The following RBFOX1 variants were observed in gnomAD, a reference collection of about 807,000 sequenced individuals.
The protein encoded by RBFOX1 is RNA binding protein fox-1 homolog 1.
In RBFOX1, 8 loss-of-function variants were observed where a neutral mutation model predicts 57.7. That is an observed-to-expected ratio of 0.14 (90% CI 0.08 to 0.25). The LOEUF is 0.25. RBFOX1 is among the 10% of genes least tolerant of loss of function. RBFOX1 has a pLI of 1.00. For synonymous variants in RBFOX1, 326 were observed against 222.4 expected (o/e 1.47, Z -4.15); for missense variants, 611 against 548.5 (o/e 1.11, Z -1.14).
chr16:6,866,818 A>C (rs2060016339), intron 3 of RBFOX1, among the ~76,000 whole-genome samples: 2 of 152,074 alleles, frequency 1.3e-5, no homozygotes, highest in African/African-American at 4.8e-5. Context: ...CTGGGATTAC[A>C]GGCAGGAGCC....
At chr16:6,359,319 C>G (rs1311271958) in intron 2 of RBFOX1, among the ~76,000 whole-genome samples, 1 of 152,092 alleles carries the variant, frequency 6.6e-6, no homozygotes, top group Non-Finnish European at 1.5e-5. Context: ...GTCTTGAACT[C>G]CTGACCTCAA....
chr16:7,346,393 G>A (rs554399226), intron 4 of RBFOX1, among the ~76,000 whole-genome samples: 216 of 152,024 alleles, frequency 1.4e-3, no homozygotes, highest in African/African-American at 4.8e-3. Context: ...TAGCAAGTAG[G>A]AGCTTCATTA....
chr16:6,002,301 C>T (rs1035898949), intron 4 of RBFOX1, among the ~76,000 whole-genome samples: 1 of 152,174 alleles, frequency 6.6e-6, no homozygotes, highest in Non-Finnish European at 1.5e-5. Flanking sequence ...ACGATTGTGT[C>T]TCTTTTGTCC....
At chr16:5,894,133 C>A (rs2152155841) in intron 4 of RBFOX1, among the ~76,000 whole-genome samples, 1 of 152,060 alleles carries the variant, frequency 6.6e-6, no homozygotes, top group East Asian at 1.9e-4. Flanking sequence ...TTAAACATGC[C>A]ACCAAATTCG....
chr16:5,668,928 G>A (rs1227129233), intron 3 of RBFOX1, among the ~76,000 whole-genome samples: 1 of 152,162 alleles, frequency 6.6e-6, no homozygotes, highest in Admixed American at 6.5e-5. Context: ...TCAGGCTTTG[G>A]TTAGGGGGAG....
chr16:5,753,192 A>G (rs1386782454), intron 3 of RBFOX1, among the ~76,000 whole-genome samples: 2 of 152,156 alleles, frequency 1.3e-5, no homozygotes, highest in Non-Finnish European at 2.9e-5. Context: ...TTGTGTGTGT[A>G]TGAGTGGGCA....
chr16:5,244,368 G>T (rs1461241258), intron 1 of RBFOX1, among the ~76,000 whole-genome samples: 2 of 152,184 alleles, frequency 1.3e-5, no homozygotes, highest in Admixed American at 1.3e-4. Flanking sequence ...TTCTGCACAA[G>T]ACTTGCCTGT....
At chr16:5,813,652 C>G (rs750112718) in intron 3 of RBFOX1, among the ~76,000 whole-genome samples, 4 of 152,190 alleles carry the variant, frequency 2.6e-5, no homozygotes, top group African/African-American at 7.2e-5. Flanking sequence ...TAACAGGGAT[C>G]CTGTATCAGG....
At chr16:6,354,831 C>T (rs118003140) in intron 2 of RBFOX1, among the ~76,000 whole-genome samples, 3,491 of 152,218 alleles carry the variant, frequency 0.023, 72 homozygotes, top group Non-Finnish European at 0.035. Context: ...TCATTAACTA[C>T]TGAAGGAATC....
chr16:5,959,225 A>T (rs568061784), intron 4 of RBFOX1, among the ~76,000 whole-genome samples: 5 of 152,328 alleles, frequency 3.3e-5, no homozygotes, highest in East Asian at 1.9e-4. Context: ...GAGTTTAACC[A>T]TTCACAGAGG....
chr16:5,355,087 A>AAG (rs202055594), intron 1 of RBFOX1, among the ~76,000 whole-genome samples: 4,404 of 152,072 alleles, frequency 0.029, 86 homozygotes, highest in South Asian at 0.08. Context: ...GAGAGAATAA[A>AAG]AGAGAGAGAG....
intron 1 of RBFOX1, among the ~76,000 whole-genome samples, chr16:5,355,572 C>G (rs1187686985): frequency 6.6e-6 from 1 of 152,162 alleles, no homozygotes; most frequent in Non-Finnish European, 1.5e-5. Flanking sequence ...TATTTATAGA[C>G]AGAGACTTCT....
At chr16:5,631,887 TGGGGTGTTC>T (rs2048520744) in intron 3 of RBFOX1, among the ~76,000 whole-genome samples, 1 of 152,144 alleles carries the variant, frequency 6.6e-6, no homozygotes, top group African/African-American at 2.4e-5. Flanking sequence ...GGATGGACAC[TGGGGTGTTC>T]ACTAGGGTCA....
chr16:5,751,949 G>T (rs910074866), intron 3 of RBFOX1, among the ~76,000 whole-genome samples: 3 of 152,012 alleles, frequency 2.0e-5, no homozygotes, highest in Non-Finnish European at 2.9e-5. Context: ...AATATAAATC[G>T]TTCTATTATA....
chr16:7,240,192 C>T (rs2093986157), intron 4 of RBFOX1, among the ~76,000 whole-genome samples: 1 of 152,112 alleles, frequency 6.6e-6, no homozygotes, highest in Non-Finnish European at 1.5e-5. Context: ...GTCTTGAACT[C>T]CTGACCTCAG....
intron 3 of RBFOX1, among the ~76,000 whole-genome samples, chr16:6,905,480 G>T (rs142054804): frequency 1.1e-3 from 170 of 151,618 alleles, no homozygotes; most frequent in African/African-American, 3.9e-3. Flanking sequence ...TTGAACCCGG[G>T]AGGCATAGGT....
intron 1 of RBFOX1, among the ~76,000 whole-genome samples, chr16:6,054,449 C>G (rs2095589767): frequency 6.6e-6 from 1 of 152,154 alleles, no homozygotes; most frequent in Admixed American, 6.5e-5. Flanking sequence ...CGTCAGGTTT[C>G]CTGTCTTTCC....
At chr16:6,810,057 C>A (rs576772297) in intron 3 of RBFOX1, among the ~76,000 whole-genome samples, 3 of 147,000 alleles carry the variant, frequency 2.0e-5, no homozygotes, top group Non-Finnish European at 4.5e-5. Flanking sequence ...AATAAGTAGA[C>A]AATGCTCTGG....
At chr16:6,715,290 C>G (rs560678781) in intron 3 of RBFOX1, among the ~76,000 whole-genome samples, 4 of 151,746 alleles carry the variant, frequency 2.6e-5, no homozygotes, top group Non-Finnish European at 5.9e-5. Flanking sequence ...TTTTTTTAAC[C>G]CTGTTCTGTT....
Sources: gnomAD v4.1 joint callset for allele counts (sites outside exome capture counted in the v4.1 genomes callset) on GRCh38, gnomAD v4.1.1 for gene constraint, MANE v1.5 for transcripts, NCBI Gene and HGNC (gene_info 2026-07-23, HGNC 2026-07-21) for gene names.